The following CFTR variants were observed in gnomAD, a reference collection of about 807,000 sequenced individuals.
CFTR encodes the protein cystic fibrosis transmembrane conductance regulator.
In CFTR, 181 loss-of-function variants were observed where a neutral mutation model predicts 171.6. The observed-to-expected ratio is 1.05, with a 90% CI of 0.93 to 1.19. The LOEUF (loss-of-function observed/expected upper bound fraction) is 1.19, where lower values mean the gene tolerates loss of function less well. Among genes scored for constraint, CFTR ranks in the 50% most tolerant of loss-of-function variants. The pLI is 0.00. For synonymous variants in CFTR, 583 were observed against 608.0 expected (o/e 0.96, Z 0.60); for missense variants, 1,968 against 1,734.7 (o/e 1.13, Z -2.39).
At chr7:117,607,389 A>G (rs7809485) in intron 18 of CFTR, among the ~76,000 whole-genome samples, 17,907 of 152,050 alleles carry the variant, frequency 0.12, 2,195 homozygotes, top group African/African-American at 0.31. Context: ...GGTGGTGAGG[A>G]TGGAGAAGAA....
At chr7:117,549,866 G>T (rs1799239230) in intron 10 of CFTR, among the ~76,000 whole-genome samples, 2 of 152,018 alleles carry the variant, frequency 1.3e-5, no homozygotes, top group Admixed American at 1.3e-4. Context: ...AAGAAGGAAG[G>T]AAGTAAGAGG....
intron 1 of CFTR, among the ~76,000 whole-genome samples, chr7:117,486,504 C>T (rs1798076842): frequency 6.6e-6 from 1 of 152,050 alleles, no homozygotes; most frequent in East Asian, 1.9e-4. Context: ...CTTTTGTATT[C>T]ACACCTAAAG....
At chr7:117,648,087 T>TTA (rs908403254) in intron 23 of CFTR, among the ~76,000 whole-genome samples, 20 of 146,746 alleles carry the variant, frequency 1.4e-4, no homozygotes, top group South Asian at 2.1e-4. Flanking sequence ...ATATATGTAT[T>TTA]TATATATATA....
chr7:117,638,868 C>T (rs892668407), intron 22 of CFTR, among the ~76,000 whole-genome samples: 5 of 152,056 alleles, frequency 3.3e-5, no homozygotes, highest in Middle Eastern at 3.2e-3. Flanking sequence ...AACAGCATCT[C>T]GCAAACTATC....
rs1460149158 is a variant in CFTR at position 117,608,067 on chromosome 7, T to C, written c.2988+1314T>C. On this transcript the variant is annotated intron_variant, in intron 18 of 26. Transcript: ENST00000003084. Reference sequence around the variant, plus strand: ...TGAAAGTATTTGCCAATGGTGCCTCTTGATAATTATTTGAGGCTCACTTCA... The same window carrying C: ...TGAAAGTATTTGCCAATGGTGCCTCCTGATAATTATTTGAGGCTCACTTCA... 2.0e-5 allele frequency among the ~76,000 whole-genome samples: 3 copies of C among 152,226 alleles called. No individual in the cohort carries two copies. In the East Asian group the frequency reaches 5.8e-4, roughly 29 times the overall value.
intron 3 of CFTR, among the ~76,000 whole-genome samples, chr7:117,530,339 G>C (rs1247813405): frequency 1.3e-5 from 2 of 152,148 alleles, no homozygotes; most frequent in Non-Finnish European, 2.9e-5. Flanking sequence ...GCTTTGTGTA[G>C]TTGCCTTGAG....
intron 7 of CFTR, among the ~76,000 whole-genome samples, 184 bp from the exon 8 acceptor site, chr7:117,539,916 G>A (rs1405616432): frequency 2.6e-5 from 4 of 151,974 alleles, no homozygotes; most frequent in Non-Finnish European, 4.4e-5. Flanking sequence ...TTTCATATAA[G>A]GTAACTGAGG....
intron 20 of CFTR, among the ~76,000 whole-genome samples, chr7:117,612,027 A>ATATG (rs1792404253): frequency 1.5e-5 from 1 of 66,026 alleles, no homozygotes. Context: ...ATATATGTAT[A>ATATG]TATATATATA....
chr7:117,547,807 GCTGT>G (rs977857159), intron 9 of CFTR, among the ~76,000 whole-genome samples: 4 of 152,142 alleles, frequency 2.6e-5, no homozygotes, highest in African/African-American at 9.7e-5. Flanking sequence ...AAGTGAGAAG[GCTGT>G]CTGTATAAAA....
intron 1 of CFTR, among the ~76,000 whole-genome samples, chr7:117,498,816 GTTT>G (rs772063224): frequency 4.9e-5 from 6 of 121,318 alleles, no homozygotes; most frequent in Admixed American, 4.9e-4. Context: ...TTCAACATTT[GTTT>G]TTTTTTTTTT....
intron 14 of CFTR, 26 bp from the exon 15 acceptor site, chr7:117,594,904 G>T: frequency 6.2e-7 from 1 of 1,609,562 alleles, no homozygotes; most frequent in Non-Finnish European, 8.5e-7. Context: ...CTGTCTTATT[G>T]TAATAGCCAT....
In CFTR at chr7:117,611,641, C is replaced by G. The variant is rs1800114; in HGVS notation, c.3200C>G (p.Ala1067Gly). The G allele has an allele frequency of 6.2e-7, 1 of 1,613,502 alleles. No individual in the cohort carries two copies. Among genetic ancestry groups the G allele is most frequent in the Non-Finnish European group, 8.5e-7 (1 of 1,179,714 alleles). The change falls in exon 20 of 27, where the codon GCC (alanine) becomes GGC (glycine). Residue 1067 changes from alanine to glycine, a missense_variant. Coordinates refer to ENST00000003084, the MANE Select transcript of CFTR (RefSeq NM_000492.4). The stretch of plus-strand genomic sequence containing the variant: ...TTAAAAGGACTATGGACACTTCGTG[C>G]CTTCGGACGGCAGCCTTACTTTGAA... ...TSLKGLWTLR[A>G]FGRQPYFETL... is the part of the protein sequence containing the mutation.
At chr7:117,660,519 A>G (rs1433855227) in intron 24 of CFTR, among the ~76,000 whole-genome samples, 1 of 151,996 alleles carries the variant, frequency 6.6e-6, no homozygotes, top group African/African-American at 2.4e-5. Flanking sequence ...AATCCCAGCT[A>G]CTTGGGAGGC....
intron 10 of CFTR, among the ~76,000 whole-genome samples, chr7:117,559,125 C>T (rs549099404): frequency 2.6e-4 from 39 of 152,178 alleles, no homozygotes; most frequent in African/African-American, 8.7e-4. Context: ...GAACAGCACT[C>T]GACACAGAGT....
intron 11 of CFTR, among the ~76,000 whole-genome samples, chr7:117,573,846 G>T (rs1791730563): frequency 6.6e-6 from 1 of 152,010 alleles, no homozygotes; most frequent in Admixed American, 6.6e-5. Flanking sequence ...TTATGTAACA[G>T]GTCAATTCAT....
chr7:117,610,857 CTTAA>C lies in CFTR; in HGVS notation c.3139+194_3139+197del, dbSNP rs1374391659. 5.9e-5 allele frequency among the ~76,000 whole-genome samples: 9 copies of C among 151,860 alleles called. 1 individual carries two copies. In the South Asian group the frequency reaches 1.0e-3, roughly 18 times the overall value. ...TACAAAGTACACATGGATTTTTTTT[CTTAA>C]TTAATGACCATGTGACTTCATTTTG... On this transcript the variant is annotated intron_variant, in intron 19 of 26. Coordinates refer to ENST00000003084, the MANE Select transcript of CFTR (RefSeq NM_000492.4).
chr7:117,653,101 C>G (rs1793113073), intron 24 of CFTR, among the ~76,000 whole-genome samples, 170 bp downstream of exon 24: 1 of 151,306 alleles, frequency 6.6e-6, no homozygotes, highest in African/African-American at 2.4e-5. Flanking sequence ...CTGGACCTAC[C>G]CCTAACTGAA....
Position 117,536,514 on chromosome 7 carries a change from AGATTGATT to A in CFTR, c.744-13_744-6del, listed in dbSNP as rs1805171. ...GATAATTTGACTTGTTTTTACTATT[AGATTGATT>A]GATTGATTGATTGATTGATTTACAG... On this transcript the variant is annotated intron_variant, in intron 6 of 26. Coordinates refer to ENST00000003084, the MANE Select transcript of CFTR (RefSeq NM_000492.4). The A allele has an allele frequency of 5.4e-5, 83 of 1,540,798 alleles. 1 individual carries two copies. Among genetic ancestry groups the A allele is most frequent in the Admixed American group, 3.7e-4 (19 of 51,408 alleles).
chr7:117,498,845 C>T lies in CFTR; in HGVS notation c.54-5408C>T, dbSNP rs200199204. 1.4e-4 allele frequency among the ~76,000 whole-genome samples: 21 copies of T among 150,878 alleles called. No homozygotes were observed. In the East Asian group the frequency reaches 1.6e-3, roughly 11 times the overall value. On this transcript the variant is annotated intron_variant, in intron 1 of 26. Coordinates refer to ENST00000003084, the MANE Select transcript of CFTR (RefSeq NM_000492.4). ...TTTTTTTTTTTTGGTTAGGACTATC[C>T]AGATTGTGTGGCCTATTTCAAACTC...
Sources: allele counts gnomAD v4.1 joint callset (sites outside exome capture counted in the v4.1 genomes callset), GRCh38; gene constraint gnomAD v4.1.1; transcripts MANE v1.5; gene names NCBI Gene and HGNC (gene_info 2026-07-23, HGNC 2026-07-21).